C8orf34: variants seen among roughly 807,000 people sequenced by gnomAD.
The protein encoded by C8orf34 is uncharacterized protein C8orf34.
Under a neutral mutation model 68.3 loss-of-function variants are expected in C8orf34, and 65 were observed. That is an observed-to-expected ratio of 0.95 (90% CI 0.78 to 1.17). The LOEUF (loss-of-function observed/expected upper bound fraction) is 1.17, where lower values mean the gene tolerates loss of function less well. C8orf34 is among the 50% of genes most tolerant of loss of function. C8orf34 has a pLI of 0.00. For synonymous variants in C8orf34, 244 were observed against 241.2 expected (o/e 1.01, Z -0.11); for missense variants, 664 against 655.4 (o/e 1.01, Z -0.14).
chr8:68,628,557 A>C (rs1464137267), intron 7 of C8orf34, among the ~76,000 whole-genome samples: 1 of 152,130 alleles, frequency 6.6e-6, no homozygotes, highest in Non-Finnish European at 1.5e-5. Context: ...TTAATAATTC[A>C]CTCAGAATAT....
chr8:68,332,275 C>T (rs1222595885), intron 1 of C8orf34, among the ~76,000 whole-genome samples: 5 of 151,680 alleles, frequency 3.3e-5, no homozygotes, highest in Admixed American at 3.3e-4. Context: ...GAGGCCCTTG[C>T]GGAGGGACTC....
chr8:68,663,419 G>A (rs1368851292), intron 8 of C8orf34, among the ~76,000 whole-genome samples: 5 of 152,152 alleles, frequency 3.3e-5, no homozygotes, highest in African/African-American at 1.2e-4. Flanking sequence ...AAAGGTAGAA[G>A]AGATTATTTT....
At chr8:68,785,225 T>G (rs982413778) in intron 11 of C8orf34, among the ~76,000 whole-genome samples, 16 of 151,602 alleles carry the variant, frequency 1.1e-4, no homozygotes, top group Admixed American at 4.6e-4. Flanking sequence ...AGAAAATAAA[T>G]AAATAAAGAA....
At chr8:68,508,225 T>G (rs1470172916) in intron 5 of C8orf34, among the ~76,000 whole-genome samples, 3 of 152,226 alleles carry the variant, frequency 2.0e-5, no homozygotes, top group African/African-American at 7.2e-5. Context: ...TGGATAATAT[T>G]TGCAATACTT....
chr8:68,331,409 C>T, intron 1 of C8orf34, 70 bp downstream of exon 1: 2 of 1,451,030 alleles, frequency 1.4e-6, no homozygotes, highest in Non-Finnish European at 1.9e-6. Context: ...AAACAGAACA[C>T]TCCCAATCCC....
chr8:68,773,463 T>A (rs6998182), intron 10 of C8orf34, among the ~76,000 whole-genome samples: 51,705 of 151,936 alleles, frequency 0.34, 9,323 homozygotes, highest in African/African-American at 0.45. Flanking sequence ...TGCAGTGGCA[T>A]GATCTCGGCT....
At chr8:68,368,217 A>G (rs1183731180) in intron 1 of C8orf34, among the ~76,000 whole-genome samples, 2 of 152,116 alleles carry the variant, frequency 1.3e-5, no homozygotes, top group Non-Finnish European at 2.9e-5. Flanking sequence ...AAAGTTTTTC[A>G]ATGATTTTAA....
intron 8 of C8orf34, among the ~76,000 whole-genome samples, chr8:68,684,172 T>C (rs1314851493): frequency 3.3e-5 from 5 of 152,244 alleles, no homozygotes; most frequent in African/African-American, 1.2e-4. Context: ...TTAAAAATGT[T>C]TAATGAACTC....
chr8:68,391,015 T>C (rs554938713), intron 1 of C8orf34, among the ~76,000 whole-genome samples: 1 of 152,264 alleles, frequency 6.6e-6, no homozygotes, highest in East Asian at 1.9e-4. Flanking sequence ...CAACTGATTG[T>C]AGTTGTTAAC....
intron 1 of C8orf34, among the ~76,000 whole-genome samples, chr8:68,398,965 T>C (rs1345960273): frequency 2.0e-5 from 3 of 152,128 alleles, no homozygotes; most frequent in Admixed American, 6.6e-5. Flanking sequence ...CTTGATTTAA[T>C]ACTCTGCTGT....
intron 7 of C8orf34, among the ~76,000 whole-genome samples, chr8:68,581,390 AG>A (rs1185643403): frequency 6.6e-6 from 1 of 152,062 alleles, no homozygotes; most frequent in Non-Finnish European, 1.5e-5. Flanking sequence ...GACCTGCTTC[AG>A]GGGAAGGTCA....
intron 5 of C8orf34, among the ~76,000 whole-genome samples, chr8:68,514,310 G>C (rs992020240): frequency 6.6e-6 from 1 of 152,100 alleles, no homozygotes; most frequent in Non-Finnish European, 1.5e-5. Flanking sequence ...TGCTCAGGCT[G>C]GTTGAGGTTT....
At chr8:68,817,421 A>G (rs1201034523) in intron 13 of C8orf34, among the ~76,000 whole-genome samples, 1 of 151,754 alleles carries the variant, frequency 6.6e-6, no homozygotes. Context: ...AAACAACCAG[A>G]CTCTCCCTCT....
chr8:68,538,526 T>A (rs1048695714), intron 7 of C8orf34, among the ~76,000 whole-genome samples: 6 of 152,118 alleles, frequency 3.9e-5, no homozygotes, highest in African/African-American at 1.4e-4. Flanking sequence ...ACAATAGAAT[T>A]TCTATACAAA....
chr8:68,674,616 GA>G (rs887799439), intron 8 of C8orf34, among the ~76,000 whole-genome samples: 42 of 149,536 alleles, frequency 2.8e-4, no homozygotes, highest in African/African-American at 7.4e-4. Flanking sequence ...GGAGATGAAA[GA>G]AAAAAAAAGA....
intron 9 of C8orf34, among the ~76,000 whole-genome samples, chr8:68,711,614 G>A (rs1294908831): frequency 1.3e-5 from 2 of 151,878 alleles, no homozygotes; most frequent in Non-Finnish European, 2.9e-5. Context: ...ATCCATCAAA[G>A]ACAAAGAAAA....
chr8:68,646,685 T>G (rs1819183783), intron 8 of C8orf34, among the ~76,000 whole-genome samples: 1 of 152,180 alleles, frequency 6.6e-6, no homozygotes, highest in African/African-American at 2.4e-5. Flanking sequence ...TGAGTTTGAC[T>G]TTTTTAGATT....
chr8:68,352,785 T>C (rs1024832203), intron 1 of C8orf34, among the ~76,000 whole-genome samples: 2 of 152,252 alleles, frequency 1.3e-5, no homozygotes, highest in East Asian at 1.9e-4. Flanking sequence ...TTTGCACACA[T>C]GCAAAACATT....
chr8:68,489,399 C>A (rs897934582), intron 5 of C8orf34, among the ~76,000 whole-genome samples: 1 of 152,096 alleles, frequency 6.6e-6, no homozygotes, highest in African/African-American at 2.4e-5. Context: ...ATACTTGGGG[C>A]AAGAAATGTT....
Sources: gnomAD v4.1 joint callset for allele counts (sites outside exome capture counted in the v4.1 genomes callset) on GRCh38, gnomAD v4.1.1 for gene constraint, MANE v1.5 for transcripts, NCBI Gene and HGNC (gene_info 2026-07-23, HGNC 2026-07-21) for gene names.